HRH1: variants seen among roughly 807,000 people sequenced by gnomAD.
The protein encoded by HRH1 is histamine H1 receptor.
Under a neutral mutation model 10.3 loss-of-function variants are expected in HRH1, and 6 were observed. The ratio of observed to expected loss-of-function variants is 0.58; its 90% confidence interval spans 0.32 to 1.15. The LOEUF is 1.15. Among genes scored for constraint, HRH1 ranks in the 50% most tolerant of loss-of-function variants. HRH1 has a pLI of 0.05. For synonymous variants in HRH1, 242 were observed against 236.7 expected, an observed-to-expected ratio of 1.02 and a Z score of -0.21; for missense variants, 514 against 615.3, an observed-to-expected ratio of 0.84 and a Z score of 1.74.
Position 11,216,065 on chromosome 3 carries a change from A to C in HRH1, c.-35-42938A>C, listed in dbSNP as rs143385325. ...TGCATGTAGTTCCCAGTTTGGGACT[A>C]TTAGAGGGAACATTACCTTTTGGAT... On this transcript the variant is annotated intron_variant, in intron 1 of 1. Transcript: ENST00000431010. 1.5e-3 allele frequency among the ~76,000 whole-genome samples: 226 copies of C among 152,280 alleles called. 1 individual carries two copies. Among genetic ancestry groups the C allele is most frequent in the African/African-American group, 5.1e-3 (213 of 41,568 alleles).
intron 1 of HRH1, among the ~76,000 whole-genome samples, chr3:11,167,248 C>T (rs1447691790): frequency 2.6e-4 from 26 of 100,618 alleles, no homozygotes; most frequent in African/African-American, 1.1e-3. Flanking sequence ...CTGTCCCCTG[C>T]ATTCTCCAGG....
chr3:11,180,009 T>C (rs1394864951), intron 1 of HRH1, among the ~76,000 whole-genome samples: 1 of 152,082 alleles, frequency 6.6e-6, no homozygotes, highest in Non-Finnish European at 1.5e-5. Context: ...GCAATCCTCC[T>C]GCCTTGGCCT....
chr3:11,161,388 C>T (rs1162777616), intron 1 of HRH1, among the ~76,000 whole-genome samples: 2 of 152,214 alleles, frequency 1.3e-5, no homozygotes, highest in Non-Finnish European at 2.9e-5. Context: ...TGGAGAGAAT[C>T]ACTAATCATC....
chr3:11,208,157 T>C (rs968107509), intron 1 of HRH1, among the ~76,000 whole-genome samples: 1 of 110,832 alleles, frequency 9.0e-6, no homozygotes, highest in Non-Finnish European at 1.9e-5. Flanking sequence ...TTTTTTCTTT[T>C]TTTTTTTTTT....
intron 1 of HRH1, among the ~76,000 whole-genome samples, chr3:11,243,547 G>A (rs1939403312): frequency 6.6e-6 from 1 of 152,202 alleles, no homozygotes; most frequent in South Asian, 2.1e-4. Flanking sequence ...TTCCAGGCAG[G>A]GAAATGGCAT....
At chr3:11,188,729 T>C (rs1295423318) in intron 1 of HRH1, among the ~76,000 whole-genome samples, 1 of 152,200 alleles carries the variant, frequency 6.6e-6, no homozygotes, top group Non-Finnish European at 1.5e-5. Context: ...CTATTAAAAG[T>C]CACGTTCTTG....
intron 1 of HRH1, among the ~76,000 whole-genome samples, chr3:11,201,209 G>T (rs1937893436): frequency 6.6e-6 from 1 of 152,220 alleles, no homozygotes; most frequent in South Asian, 2.1e-4. Flanking sequence ...GAAGCAGAGT[G>T]CACATAAACC....
Position 11,259,052 on chromosome 3 carries a change from T to C in HRH1, c.15T>C (p.Asn5=), listed in dbSNP as rs201781190. MSLP[N]SSCLLEDKMC... is the part of the protein sequence containing the mutation. ...CTCTTGCGCCAATGAGCCTCCCCAA[T>C]TCCTCCTGCCTCTTAGAAGACAAGA... is the stretch of plus-strand genomic sequence containing the variant. Residue 5 remains asparagine (N), a synonymous_variant, in exon 2 of 2, where the codon AAT becomes AAC. Transcript: ENST00000431010. The surrounding 1 kb of genome is among the most constrained non-coding windows in gnomAD (Gnocchi z 4.6). 4.9e-5 allele frequency: 79 copies of C among 1,599,458 alleles called. No homozygotes were observed. The highest frequency in any genetic ancestry group is 6.0e-5 in the Non-Finnish European group (70 of 1,172,584).
intron 1 of HRH1, among the ~76,000 whole-genome samples, chr3:11,138,805 G>A (rs1397761705): frequency 6.7e-6 from 1 of 150,284 alleles, no homozygotes; most frequent in African/African-American, 2.5e-5. Flanking sequence ...CTCCCAAGTA[G>A]CTGGGACTAC....
intron 1 of HRH1, among the ~76,000 whole-genome samples, chr3:11,138,513 T>C (rs556308340): frequency 7.0e-4 from 107 of 152,228 alleles, no homozygotes; most frequent in Middle Eastern, 3.4e-3. Flanking sequence ...TGTGAAGACA[T>C]TGGAGCCCTC....
chr3:11,164,061 A>G (rs1397498889), intron 1 of HRH1, among the ~76,000 whole-genome samples: 1 of 149,044 alleles, frequency 6.7e-6, no homozygotes, highest in Non-Finnish European at 1.5e-5. Flanking sequence ...TACTTGTTGA[A>G]TGAATGAATG....
At chr3:11,242,126 C>T (rs1197068658) in intron 1 of HRH1, among the ~76,000 whole-genome samples, 3 of 152,098 alleles carry the variant, frequency 2.0e-5, no homozygotes, top group Admixed American at 6.5e-5. Context: ...TAGAAGGTTT[C>T]TTCTTTTGCT....
chr3:11,202,694 T>C (rs544802041), intron 1 of HRH1, among the ~76,000 whole-genome samples: 1 of 152,232 alleles, frequency 6.6e-6, no homozygotes, highest in South Asian at 2.1e-4. Flanking sequence ...ATATGCACAG[T>C]CCCCTGCACT....
intron 1 of HRH1, among the ~76,000 whole-genome samples, chr3:11,163,987 C>T (rs1936979356): frequency 2.0e-5 from 3 of 152,186 alleles, no homozygotes; most frequent in Non-Finnish European, 2.9e-5. Context: ...TAGGCTGTAA[C>T]TGATTTCCCT....
At chr3:11,168,997 C>T (rs1186176255) in intron 1 of HRH1, among the ~76,000 whole-genome samples, 1 of 152,224 alleles carries the variant, frequency 6.6e-6, no homozygotes, top group Admixed American at 6.5e-5. Flanking sequence ...GGGATTCACA[C>T]ACAGGCCTGC....
At chr3:11,190,275 G>T (rs566735108) in intron 1 of HRH1, among the ~76,000 whole-genome samples, 19 of 152,066 alleles carry the variant, frequency 1.2e-4, no homozygotes, top group Non-Finnish European at 1.9e-4. Context: ...ACTTTGAGAG[G>T]CCAAGGCGGG....
chr3:11,182,733 C>T (rs1937381533), intron 1 of HRH1, among the ~76,000 whole-genome samples: 2 of 152,228 alleles, frequency 1.3e-5, no homozygotes, highest in East Asian at 1.9e-4. Flanking sequence ...GCATCCTGCC[C>T]GTATCCTGTT....
At chr3:11,203,287 A>T (rs993882943) in intron 1 of HRH1, among the ~76,000 whole-genome samples, 4 of 152,226 alleles carry the variant, frequency 2.6e-5, no homozygotes, top group Admixed American at 1.3e-4. Flanking sequence ...TAATTGCTGC[A>T]TGGTATGGTA....
chr3:11,233,516 C>G (rs973341946), intron 1 of HRH1, among the ~76,000 whole-genome samples: 1 of 152,002 alleles, frequency 6.6e-6, no homozygotes, highest in Non-Finnish European at 1.5e-5. Context: ...TAATTAGGTC[C>G]CCACCTCTCA....
Sources: allele counts gnomAD v4.1 joint callset (sites outside exome capture counted in the v4.1 genomes callset), GRCh38; gene constraint gnomAD v4.1.1; non-coding constraint Gnocchi (gnomAD v3.1); transcripts MANE v1.5; gene names NCBI Gene and HGNC (gene_info 2026-07-23, HGNC 2026-07-21).